The following ELMOD1 variants were observed in gnomAD, a reference collection of about 807,000 sequenced individuals.
The protein encoded by ELMOD1 is ELMO domain-containing protein 1.
Under a neutral mutation model 46.7 loss-of-function variants are expected in ELMOD1, and 21 were observed. That is an observed-to-expected ratio of 0.45 (90% CI 0.32 to 0.65). The LOEUF (loss-of-function observed/expected upper bound fraction) is 0.65. Ranked by LOEUF, ELMOD1 falls within the 30% of genes least tolerant of loss-of-function variation. The pLI, the probability that ELMOD1 is intolerant of heterozygous loss-of-function variation, is 0.04. For missense variants in ELMOD1, 348 were observed against 407.8 expected (o/e 0.85, Z 1.26); for synonymous variants, 122 against 138.2 (o/e 0.88, Z 0.82).
At chr11:107,636,335 T>G (rs902753211) in intron 6 of ELMOD1, among the ~76,000 whole-genome samples, 2 of 152,334 alleles carry the variant, frequency 1.3e-5, no homozygotes, top group African/African-American at 2.4e-5. Flanking sequence ...CTTAAAAATC[T>G]TACAGGATCT....
intron 9 of ELMOD1, among the ~76,000 whole-genome samples, chr11:107,652,274 A>T (rs947952276): frequency 6.6e-6 from 1 of 152,218 alleles, no homozygotes; most frequent in Non-Finnish European, 1.5e-5. Context: ...TACTAAGGAA[A>T]GCTCTTTCCT....
At chr11:107,616,498 T>C (rs1261740) in intron 1 of ELMOD1, among the ~76,000 whole-genome samples, 107,463 of 152,054 alleles carry the variant, frequency 0.71, 39,703 homozygotes, top group African/African-American at 0.92. Context: ...CCTGCCTCAA[T>C]CTCCTGAGTA....
At chr11:107,602,395 T>G (rs763669352) in intron 1 of ELMOD1, among the ~76,000 whole-genome samples, 1 of 152,144 alleles carries the variant, frequency 6.6e-6, no homozygotes, top group African/African-American at 2.4e-5. Context: ...TCCTGTATTA[T>G]TTCTTTGATA....
chr11:107,632,701 T>G (rs1197227477), intron 5 of ELMOD1, among the ~76,000 whole-genome samples: 1 of 152,216 alleles, frequency 6.6e-6, no homozygotes, highest in Non-Finnish European at 1.5e-5. Context: ...AGAAGGCAGT[T>G]CATTATAAAT....
At chr11:107,628,352 A>G (rs1288310612) in intron 2 of ELMOD1, among the ~76,000 whole-genome samples, 1 of 152,018 alleles carries the variant, frequency 6.6e-6, no homozygotes, top group Admixed American at 6.5e-5. Context: ...TTTTTAGTAG[A>G]GATGGGGTTT....
chr11:107,606,184 T>G (rs1865682297), intron 1 of ELMOD1, among the ~76,000 whole-genome samples: 1 of 152,236 alleles, frequency 6.6e-6, no homozygotes, highest in South Asian at 2.1e-4. Flanking sequence ...TAGTGCTTCT[T>G]AGGCTCTAAC....
intron 1 of ELMOD1, among the ~76,000 whole-genome samples, chr11:107,616,995 T>C (rs1160071302): frequency 6.6e-6 from 1 of 152,214 alleles, no homozygotes; most frequent in African/African-American, 2.4e-5. Flanking sequence ...AAGGATAATA[T>C]ATGTTCCCAC....
At chr11:107,618,297 C>G (rs1219567654) in intron 2 of ELMOD1, 91 bp downstream of exon 2, 3 of 1,411,764 alleles carry the variant, frequency 2.1e-6, no homozygotes, top group Non-Finnish European at 2.0e-6. Context: ...CGTTTGTGAT[C>G]CTGTGACCAG....
At chr11:107,601,198 C>G (rs1865591415) in intron 1 of ELMOD1, among the ~76,000 whole-genome samples, 1 of 151,998 alleles carries the variant, frequency 6.6e-6, no homozygotes, top group Non-Finnish European at 1.5e-5. Flanking sequence ...TTTTCCACTA[C>G]AGAAGTGAAA....
intron 11 of ELMOD1, among the ~76,000 whole-genome samples, chr11:107,661,158 C>G (rs1442252066): frequency 6.6e-6 from 1 of 152,176 alleles, no homozygotes; most frequent in African/African-American, 2.4e-5. Flanking sequence ...GGGAATCAGT[C>G]TTCAATCTTC....
chr11:107,627,643 A>T (rs1018925815), intron 2 of ELMOD1, among the ~76,000 whole-genome samples: 26 of 152,198 alleles, frequency 1.7e-4, no homozygotes, highest in African/African-American at 5.8e-4. Flanking sequence ...GCCACTTAAG[A>T]TGACACTTCT....
At chr11:107,664,160 T>A (rs905358132) in intron 11 of ELMOD1, among the ~76,000 whole-genome samples, 1 of 151,944 alleles carries the variant, frequency 6.6e-6, no homozygotes, top group Non-Finnish European at 1.5e-5. Flanking sequence ...TTTCTTTTTT[T>A]AAAACTAGGA....
At chr11:107,601,707 A>G (rs1231704372) in intron 1 of ELMOD1, among the ~76,000 whole-genome samples, 1 of 151,938 alleles carries the variant, frequency 6.6e-6, no homozygotes. Context: ...TGAGCCATCA[A>G]GCCCAGCCTA....
At chr11:107,599,755 A>AAAAAAAAAAAAAAAAG (rs1555058610) in intron 1 of ELMOD1, among the ~76,000 whole-genome samples, 2 of 138,826 alleles carry the variant, frequency 1.4e-5, no homozygotes, top group African/African-American at 6.1e-5. Context: ...AAAAAAAGAA[A>AAAAAAAAAAAAAAAAG]AAAAGAAAAG....
chr11:107,643,368 G>GAAA (rs112788240), intron 6 of ELMOD1: 41 of 166,634 alleles, frequency 2.5e-4, no homozygotes, highest in South Asian at 6.0e-4. Flanking sequence ...CTCCATCTAG[G>GAAA]AAAAAAAAAA....
At chr11:107,664,059 C>T (rs1054582070) in intron 11 of ELMOD1, among the ~76,000 whole-genome samples, 1 of 152,150 alleles carries the variant, frequency 6.6e-6, no homozygotes. Flanking sequence ...AATCACAGCT[C>T]ATTGCAGCCT....
At position 107,639,938 on chromosome 11, in the gene ELMOD1, C is replaced by G. The variant is rs182460377; in HGVS notation, c.420+4173C>G. On this transcript the variant is annotated intron_variant, in intron 6 of 11. Coordinates refer to ENST00000265840, the MANE Select transcript of ELMOD1 (RefSeq NM_018712.4). ...TCCTTCAGGAGCACCCCATTCCCTA[C>G]TCTTATTTTTTCAGGGAAGAGCTTA... 5.9e-5 allele frequency among the ~76,000 whole-genome samples: 9 copies of G among 152,282 alleles called. No homozygotes were observed. In the East Asian group the frequency reaches 1.7e-3, roughly 29 times the overall value.
chr11:107,622,980 A>T (rs549859663), intron 2 of ELMOD1, among the ~76,000 whole-genome samples: 1 of 152,294 alleles, frequency 6.6e-6, no homozygotes, highest in East Asian at 1.9e-4. Context: ...ATACACATAT[A>T]TATTTTTATT....
At chr11:107,603,145 C>G (rs1565369622) in intron 1 of ELMOD1, among the ~76,000 whole-genome samples, 1 of 152,218 alleles carries the variant, frequency 6.6e-6, no homozygotes, top group African/African-American at 2.4e-5. Flanking sequence ...AGCTCAACCT[C>G]TTTACAAGTA....
Sources: allele counts gnomAD v4.1 joint callset (sites outside exome capture counted in the v4.1 genomes callset), GRCh38; gene constraint gnomAD v4.1.1; transcripts MANE v1.5; gene names NCBI Gene and HGNC (gene_info 2026-07-23, HGNC 2026-07-21).